The following ATXN7L1 variants were observed in gnomAD, a reference collection of about 807,000 sequenced individuals.
The protein encoded by ATXN7L1 is ataxin 7 like 1, also known as ataxin-7-like protein 1.
Under a neutral mutation model 70.8 loss-of-function variants are expected in ATXN7L1, and 15 were observed. That is an observed-to-expected ratio of 0.21 (90% CI 0.14 to 0.33). The LOEUF (loss-of-function observed/expected upper bound fraction) is 0.33, where lower values mean the gene tolerates loss of function less well. Among genes scored for constraint, ATXN7L1 ranks in the 10% least tolerant of loss-of-function variants. ATXN7L1 has a pLI of 1.00. For synonymous variants in ATXN7L1, 440 were observed against 445.1 expected (o/e 0.99, Z 0.14); for missense variants, 975 against 1,097.1 (o/e 0.89, Z 1.57).
chr7:105,636,907 G>A (rs1210690789), intron 7 of ATXN7L1, among the ~76,000 whole-genome samples: 1 of 152,130 alleles, frequency 6.6e-6, no homozygotes, highest in African/African-American at 2.4e-5. Flanking sequence ...ATGTTCGATA[G>A]CTACAAAGAA....
intron 3 of ATXN7L1, among the ~76,000 whole-genome samples, chr7:105,704,859 C>G (rs1356500195): frequency 2.0e-5 from 3 of 152,020 alleles, no homozygotes; most frequent in Non-Finnish European, 4.4e-5. Flanking sequence ...GATCTGCCCC[C>G]CTTGGCCTCC....
intron 3 of ATXN7L1, chr7:105,761,145 C>CT: frequency 8.1e-7 from 1 of 1,241,216 alleles, no homozygotes; most frequent in African/African-American, 1.6e-5. Context: ...CTTAGACCAG[C>CT]TTTGTGGTGG....
intron 3 of ATXN7L1, among the ~76,000 whole-genome samples, chr7:105,731,752 A>AGAAAAGAAAAGAAAAGAAAAGAGAAAC (rs1796572148): frequency 1.2e-5 from 1 of 83,586 alleles, no homozygotes; most frequent in African/African-American, 3.3e-5. Context: ...CTCCTTAAAA[A>AGAAAAGAAAAGAAAAGAAAAGAGAAAC]GAAAAGAAAA....
At chr7:105,771,574 T>A (rs1185651966) in intron 3 of ATXN7L1, among the ~76,000 whole-genome samples, 1 of 152,156 alleles carries the variant, frequency 6.6e-6, no homozygotes, top group Non-Finnish European at 1.5e-5. Context: ...AAACAGTGAA[T>A]CAGCCAAAAG....
At chr7:105,717,737 A>G (rs1563032985) in intron 3 of ATXN7L1, among the ~76,000 whole-genome samples, 1 of 152,090 alleles carries the variant, frequency 6.6e-6, no homozygotes, top group East Asian at 1.9e-4. Flanking sequence ...ATTTCTAAAC[A>G]CTTGTCATTT....
chr7:105,866,267 A>G lies in ATXN7L1; in HGVS notation c.250+9545T>C, dbSNP rs77270701. On this transcript the variant is annotated intron_variant, in intron 2 of 11. Coordinates refer to ENST00000419735, the MANE Select transcript of ATXN7L1 (RefSeq NM_020725.2). The stretch of plus-strand genomic sequence containing the variant: ...TGCTTCTGTGTTCAAAGAGCCTGTC[A>G]TCGACTCACTTTTATCTTCCCCATT... Among the ~76,000 whole-genome samples, 1,426 of 152,308 alleles carry G rather than the reference A, an allele frequency of 9.4e-3. 59 individuals are homozygous for G. In the East Asian group the frequency reaches 0.13, roughly 14 times the overall value.
rs75956088 is a variant in ATXN7L1, at chr7:105,840,693, G to A, written c.250+35119C>T. On this transcript the variant is annotated intron_variant, in intron 2 of 11. Coordinates refer to ENST00000419735, the MANE Select transcript of ATXN7L1 (RefSeq NM_020725.2). ...ACCCCTGCATCTCCAACGGCTCCAG[G>A]GCCAGAAGCCCCAAGAAAGAAATGG... Among the ~76,000 whole-genome samples, 810 of 152,256 alleles carry A rather than the reference G, an allele frequency of 5.3e-3. 10 individuals are homozygous for A. Among genetic ancestry groups the A allele is most frequent in the African/African-American group, 0.018 (740 of 41,538 alleles).
chr7:105,644,396 T>A (rs1056871817), intron 4 of ATXN7L1, among the ~76,000 whole-genome samples: 6 of 152,204 alleles, frequency 3.9e-5, no homozygotes, highest in Non-Finnish European at 1.5e-5. Context: ...GGCTGGACAT[T>A]ACCGACTTCT....
At chr7:105,645,748 G>A (rs1421795153) in intron 4 of ATXN7L1, among the ~76,000 whole-genome samples, 8 of 151,992 alleles carry the variant, frequency 5.3e-5, no homozygotes, top group African/African-American at 1.7e-4. Context: ...AGGAGGCAGA[G>A]CTTACAGTGA....
chr7:105,779,582 A>C (rs1187418470), intron 3 of ATXN7L1, among the ~76,000 whole-genome samples: 3 of 152,240 alleles, frequency 2.0e-5, no homozygotes, highest in African/African-American at 7.2e-5. Context: ...AGGGTCCATC[A>C]TAAGGATTTC....
chr7:105,733,681 C>CAT (rs1796965888), intron 3 of ATXN7L1, among the ~76,000 whole-genome samples: 2 of 6,458 alleles, frequency 3.1e-4, no homozygotes, highest in Non-Finnish European at 3.3e-4. Flanking sequence ...CATCCATCCA[C>CAT]CCATCCACCC....
intron 3 of ATXN7L1, among the ~76,000 whole-genome samples, chr7:105,774,374 CAG>C (rs1452811374): frequency 1.5e-5 from 2 of 131,038 alleles, no homozygotes; most frequent in Non-Finnish European, 3.1e-5. Flanking sequence ...TTTTTTGAGA[CAG>C]AGTCTCCCTC....
Position 105,788,614 on chromosome 7 carries a change from C to T in ATXN7L1, c.345G>A (p.Gln115=). 1 of 1,611,894 alleles carries T rather than the reference C, an allele frequency of 6.2e-7. No individual in the cohort carries two copies. Among genetic ancestry groups the T allele is most frequent in the Non-Finnish European group, 8.5e-7 (1 of 1,177,968 alleles). The change falls in exon 3 of 12, where the codon CAG becomes CAA. Residue 115 remains glutamine, a synonymous_variant. Transcript: ENST00000419735. ...CAGGGGTCCACTTACCGCAGTGCGA[C>T]TGGAAAACCTGTGGCTTGACGACCT... ...CNQVVKPQVF[Q]SHCERRHGSM...
chr7:105,758,848 T>C (rs1357828246), intron 3 of ATXN7L1, among the ~76,000 whole-genome samples: 1 of 152,132 alleles, frequency 6.6e-6, no homozygotes, highest in Non-Finnish European at 1.5e-5. Flanking sequence ...CTGATGACAC[T>C]CAACATCTGA....
In ATXN7L1 at chr7:105,614,484, T is replaced by C; in HGVS notation, c.1850A>G (p.Lys617Arg). ...IPAVIPSPSH[K>R]PSKTKTSKSS... The stretch of plus-strand genomic sequence containing the variant: ...TTTGCTGGTTTTGGTTTTGGATGGC[T>C]TGTGGGATGGGGAAGGGATGACGGC... Residue 617 changes from lysine to arginine, a missense_variant, in exon 10 of 12, where the codon AAG becomes AGG. By Grantham distance (26) the Lys-to-Arg change is conservative. Coordinates refer to ENST00000419735, the MANE Select transcript of ATXN7L1 (RefSeq NM_020725.2). This position sits in a 1 kb window ranked among gnomAD's most constrained non-coding sequence, Gnocchi z 4.3. The C allele has an allele frequency of 6.5e-7, 1 of 1,535,126 alleles. No homozygotes were observed. The highest frequency in any genetic ancestry group is 8.8e-7 in the Non-Finnish European group (1 of 1,137,676).
intron 3 of ATXN7L1, among the ~76,000 whole-genome samples, chr7:105,724,203 G>T (rs1048488614): frequency 3.3e-5 from 5 of 152,196 alleles, no homozygotes; most frequent in Non-Finnish European, 5.9e-5. Flanking sequence ...GAGCCTCTTG[G>T]AATTATTTCC....
rs542165964 is a variant in ATXN7L1 at position 105,774,071 on chromosome 7, C to T, written c.355+14533G>A. 1.4e-3 allele frequency among the ~76,000 whole-genome samples: 219 copies of T among 152,250 alleles called. 1 individual carries two copies. The highest frequency in any genetic ancestry group is 4.8e-3 in the African/African-American group (201 of 41,522). ...CTCTGCACTGCCACCATCACCAGTACCCACCTCAAAGAGCAGCTAAGGCAA... is the reference window on the plus strand; with the variant it reads ...CTCTGCACTGCCACCATCACCAGTATCCACCTCAAAGAGCAGCTAAGGCAA... On this transcript the variant is annotated intron_variant, in intron 3 of 11. Transcript: ENST00000419735.
At chr7:105,631,686 C>T (rs933060839) in intron 7 of ATXN7L1, among the ~76,000 whole-genome samples, 4 of 152,192 alleles carry the variant, frequency 2.6e-5, no homozygotes, top group Non-Finnish European at 1.5e-5. Context: ...AGGCTGGTCT[C>T]GAATTCCTGG....
intron 3 of ATXN7L1, among the ~76,000 whole-genome samples, chr7:105,693,636 A>G (rs1791334519): frequency 6.6e-6 from 1 of 152,152 alleles, no homozygotes; most frequent in African/African-American, 2.4e-5. Flanking sequence ...TTTTGGGGAA[A>G]GTAATGAGTA....
Sources: gnomAD v4.1 joint callset for allele counts (sites outside exome capture counted in the v4.1 genomes callset) on GRCh38, gnomAD v4.1.1 for gene constraint, Gnocchi (gnomAD v3.1) non-coding constraint, MANE v1.5 for transcripts, NCBI Gene and HGNC (gene_info 2026-07-23, HGNC 2026-07-21) for gene names.